Variants in SRFBP1 observed in about 807,000 individuals in gnomAD.
SRFBP1 encodes serum response factor-binding protein 1.
SRFBP1 carries 47 observed loss-of-function variants against 45.5 expected under a neutral mutation model. The ratio of observed to expected loss-of-function variants is 1.03; its 90% confidence interval spans 0.82 to 1.32. The LOEUF is 1.32. SRFBP1 is among the 40% of genes most tolerant of loss of function. SRFBP1 has a pLI of 0.00. For missense variants in SRFBP1, 621 were observed against 484.6 expected, an observed-to-expected ratio of 1.28 and a Z score of -2.64; for synonymous variants, 203 against 166.3, an observed-to-expected ratio of 1.22 and a Z score of -1.70.
At chr5:121,967,298 C>T (rs1184518201) in intron 1 of SRFBP1, among the ~76,000 whole-genome samples, 2 of 152,078 alleles carry the variant, frequency 1.3e-5, no homozygotes, top group African/African-American at 4.8e-5. Flanking sequence ...GTGCATAGTA[C>T]TTTTTAATAA....
chr5:122,061,249 G>C (rs572566243), intron 2 of SRFBP1, among the ~76,000 whole-genome samples: 1 of 151,590 alleles, frequency 6.6e-6, no homozygotes, highest in African/African-American at 2.4e-5. Flanking sequence ...AGACTCTATC[G>C]TTAAATTTGT....
rs942483855 is a variant in SRFBP1 at position 122,028,420 on chromosome 5, A to G, written c.*1294A>G. ...AAGGAGTTCAAAACCAGCCTGGGCA[A>G]CATGGTGAAACCCTGTCTCTACTAA... is the stretch of plus-strand genomic sequence containing the variant. On this transcript the variant is annotated 3_prime_UTR_variant, in exon 8 of 8. Transcript: ENST00000339397. The G allele has an allele frequency of 6.6e-6, 1 of 152,178 alleles. No homozygotes were observed. The highest frequency in any genetic ancestry group is 1.9e-4 in the East Asian group (1 of 5,184). The allele number at this position is 152,178 out of a possible 1,614,324, so 9.4% of individuals were successfully genotyped here.
At chr5:122,057,045 A>G (rs1390651617) in intron 2 of SRFBP1, among the ~76,000 whole-genome samples, 1 of 152,200 alleles carries the variant, frequency 6.6e-6, no homozygotes, top group African/African-American at 2.4e-5. Flanking sequence ...AATCTGAGGA[A>G]GAAGAATGTT....
chr5:122,001,398 T>TTTTTTA (rs1752864988), intron 4 of SRFBP1, among the ~76,000 whole-genome samples: 2 of 149,080 alleles, frequency 1.3e-5, no homozygotes, highest in African/African-American at 4.9e-5. Flanking sequence ...ATTTTTTATT[T>TTTTTTA]TTTTTATTTT....
At chr5:122,072,735 T>C (rs1754485622) in intron 2 of SRFBP1, among the ~76,000 whole-genome samples, 1 of 152,144 alleles carries the variant, frequency 6.6e-6, no homozygotes, top group South Asian at 2.1e-4. Flanking sequence ...AGAACATATA[T>C]GGAAGATGAT....
At chr5:121,978,901 C>T (rs1306815667) in intron 3 of SRFBP1, among the ~76,000 whole-genome samples, 2 of 152,118 alleles carry the variant, frequency 1.3e-5, no homozygotes, top group Non-Finnish European at 2.9e-5. Flanking sequence ...CCTTGTTCTG[C>T]CTGCTACCTC....
chr5:122,032,650 A>G (rs776381867), downstream of SRFBP1, among the ~76,000 whole-genome samples: 2 of 152,244 alleles, frequency 1.3e-5, no homozygotes, highest in African/African-American at 2.4e-5. Context: ...GGGTAAATGT[A>G]TAAGAATTTA....
chr5:122,067,365 G>A lies in SRFBP1; in HGVS notation n.312-7950G>A, dbSNP rs184315733. 1.1e-4 allele frequency among the ~76,000 whole-genome samples: 17 copies of A among 152,022 alleles called. No homozygotes were observed. In the East Asian group the frequency reaches 2.7e-3, roughly 24 times the overall value. ...AAGAAGCCTCAGAGTCACCTGGTCC[G>A]TACATTTTGTTTCAGTGAGGAAAAT... is the stretch of plus-strand genomic sequence containing the variant. On this transcript the variant is annotated intron_variant and non_coding_transcript_variant, in intron 2 of 2. Coordinates refer to the SRFBP1 transcript ENST00000504881.
chr5:122,015,979 C>A (rs1753186915), intron 4 of SRFBP1, among the ~76,000 whole-genome samples: 1 of 152,122 alleles, frequency 6.6e-6, no homozygotes, highest in Admixed American at 6.5e-5. Context: ...ATACTTGAAT[C>A]AGATTAGGTG....
intron 4 of SRFBP1, among the ~76,000 whole-genome samples, chr5:122,018,236 A>C (rs12654949): frequency 2.0e-5 from 3 of 152,252 alleles, no homozygotes; most frequent in Non-Finnish European, 2.9e-5. Context: ...TTTAAAAATC[A>C]CCGTGGCTGT....
At chr5:121,963,364 G>C (rs576392987) in intron 1 of SRFBP1, among the ~76,000 whole-genome samples, 47 of 152,272 alleles carry the variant, frequency 3.1e-4, no homozygotes, top group African/African-American at 1.1e-3. Flanking sequence ...CTTGTGCTTT[G>C]TGCCAGAAAG....
intron 4 of SRFBP1, among the ~76,000 whole-genome samples, chr5:122,009,871 A>G (rs1418520493): frequency 4.6e-5 from 7 of 152,168 alleles, no homozygotes; most frequent in South Asian, 4.1e-4. Flanking sequence ...TATGTCGTCA[A>G]TCTTTTCCAT....
At chr5:121,992,177 T>C (rs1009443060) in intron 3 of SRFBP1, among the ~76,000 whole-genome samples, 18 of 152,124 alleles carry the variant, frequency 1.2e-4, no homozygotes, top group African/African-American at 4.3e-4. Flanking sequence ...GACTGTATTA[T>C]TTCTGTAGAC....
At chr5:121,993,245 G>T (rs1474754634) in intron 3 of SRFBP1, among the ~76,000 whole-genome samples, 1 of 152,058 alleles carries the variant, frequency 6.6e-6, no homozygotes, top group African/African-American at 2.4e-5. Context: ...TGCCTGGGTT[G>T]CTCAGTCCCT....
intron 1 of SRFBP1, among the ~76,000 whole-genome samples, chr5:121,972,163 C>T (rs912909410): frequency 1.3e-5 from 2 of 151,878 alleles, no homozygotes; most frequent in East Asian, 3.9e-4. Context: ...AGGGATAATC[C>T]ATAGTAGAGG....
intron 2 of SRFBP1, among the ~76,000 whole-genome samples, chr5:122,041,278 T>C (rs1194382960): frequency 6.6e-6 from 1 of 152,040 alleles, no homozygotes; most frequent in Non-Finnish European, 1.5e-5. Flanking sequence ...TATGGTAGAG[T>C]AATTGAAATA....
chr5:122,012,912 G>C (rs980328854), intron 4 of SRFBP1, among the ~76,000 whole-genome samples: 1 of 152,028 alleles, frequency 6.6e-6, no homozygotes, highest in South Asian at 2.1e-4. Flanking sequence ...AAAGATTCTT[G>C]TTTAGCAAAA....
chr5:121,997,321 A>T (rs949407870), intron 4 of SRFBP1, among the ~76,000 whole-genome samples: 1 of 150,136 alleles, frequency 6.7e-6, no homozygotes. Context: ...ACAGAGATGT[A>T]GATCAATGGA....
intron 4 of SRFBP1, among the ~76,000 whole-genome samples, chr5:122,013,768 A>G (rs2112699217): frequency 6.6e-6 from 1 of 152,300 alleles, no homozygotes; most frequent in African/African-American, 2.4e-5. Context: ...AACTGCCTAG[A>G]AAAACATACT....
Sources: allele counts gnomAD v4.1 joint callset (sites outside exome capture counted in the v4.1 genomes callset), GRCh38; gene constraint gnomAD v4.1.1; transcripts MANE v1.5; gene names NCBI Gene and HGNC (gene_info 2026-07-23, HGNC 2026-07-21).